Variants in FHIT observed in about 807,000 individuals in gnomAD.
The protein encoded by FHIT is bis(5'-adenosyl)-triphosphatase.
A neutral mutation model predicts 17.9 loss-of-function variants in FHIT; 19 were observed. That is an observed-to-expected ratio of 1.06 (90% CI 0.74 to 1.56). FHIT has a LOEUF of 1.56. Among genes scored for constraint, FHIT ranks in the 40% most tolerant of loss-of-function variants. The pLI is 0.00. For synonymous variants in FHIT, 81 were observed against 69.7 expected (o/e 1.16, Z -0.81); for missense variants, 248 against 189.2 (o/e 1.31, Z -1.82).
chr3:59,780,269 T>C (rs1419831866), intron 8 of FHIT, among the ~76,000 whole-genome samples: 1 of 152,206 alleles, frequency 6.6e-6, no homozygotes, highest in Non-Finnish European at 1.5e-5. Flanking sequence ...AGCTTAGGGT[T>C]TGATATGTAA....
At chr3:60,180,676 G>A (rs1015301182) in intron 5 of FHIT, among the ~76,000 whole-genome samples, 3 of 152,120 alleles carry the variant, frequency 2.0e-5, no homozygotes, top group African/African-American at 2.4e-5. Context: ...TTGTAAAAAC[G>A]TATGGAGGTC....
At chr3:61,150,332 T>C (rs975257660) in intron 2 of FHIT, among the ~76,000 whole-genome samples, 4 of 151,750 alleles carry the variant, frequency 2.6e-5, no homozygotes, top group Non-Finnish European at 4.4e-5. Flanking sequence ...GCTCTCTATG[T>C]TCCTTCTTTT....
intron 5 of FHIT, among the ~76,000 whole-genome samples, chr3:60,492,882 T>A (rs2034127500): frequency 6.6e-6 from 1 of 152,190 alleles, no homozygotes; most frequent in Admixed American, 6.6e-5. Context: ...ATTCATTCAC[T>A]CTATCTTCTG....
chr3:60,573,832 T>A (rs1273380628), intron 4 of FHIT, among the ~76,000 whole-genome samples: 6 of 151,986 alleles, frequency 3.9e-5, no homozygotes, highest in African/African-American at 1.5e-4. Flanking sequence ...TTTTTCGAGA[T>A]GGAGTCTTGC....
At chr3:59,962,529 CTG>C (rs1175093883) in intron 7 of FHIT, among the ~76,000 whole-genome samples, 1 of 152,142 alleles carries the variant, frequency 6.6e-6, no homozygotes, top group Non-Finnish European at 1.5e-5. Context: ...GGGAGGGAGT[CTG>C]TTAGGAAAGA....
chr3:60,228,690 T>C (rs185860816), intron 5 of FHIT, among the ~76,000 whole-genome samples: 19 of 152,218 alleles, frequency 1.2e-4, no homozygotes, highest in Middle Eastern at 6.8e-3. Flanking sequence ...AAAGGCCAAT[T>C]TATAGCGTGT....
At chr3:60,857,221 C>T (rs921914738) in intron 3 of FHIT, among the ~76,000 whole-genome samples, 7 of 152,056 alleles carry the variant, frequency 4.6e-5, no homozygotes, top group African/African-American at 1.7e-4. Context: ...AAAACAGACT[C>T]ATGGTAAAAT....
At chr3:59,783,319 A>C (rs554315116) in intron 8 of FHIT, among the ~76,000 whole-genome samples, 1 of 152,222 alleles carries the variant, frequency 6.6e-6, no homozygotes, top group South Asian at 2.1e-4. Flanking sequence ...AAATACAAAA[A>C]TTAGCTGGGG....
chr3:60,184,023 T>A (rs2107449187), intron 5 of FHIT, among the ~76,000 whole-genome samples: 1 of 151,810 alleles, frequency 6.6e-6, no homozygotes, highest in Admixed American at 6.6e-5. Flanking sequence ...TCAGGGTCTT[T>A]GCCACTCAAG....
chr3:60,972,449 G>T (rs1230819999), intron 3 of FHIT, among the ~76,000 whole-genome samples: 3 of 151,956 alleles, frequency 2.0e-5, no homozygotes, highest in Non-Finnish European at 4.4e-5. Context: ...TGTCTCATTG[G>T]TGTGCCTTTG....
intron 7 of FHIT, among the ~76,000 whole-genome samples, chr3:59,999,292 A>C (rs116193301): frequency 9.2e-5 from 14 of 152,260 alleles, no homozygotes; most frequent in African/African-American, 3.4e-4. Context: ...AAAAGAAAGG[A>C]GAGAATAGAC....
Position 59,944,304 on chromosome 3 carries a change from T to A in FHIT, c.280-21890A>T, listed in dbSNP as rs1706685838. Reference sequence around the variant, plus strand: ...CCATTTTATCTCATGTGGAGATTGGTATAACTACCATTGCGCTCAAGATAC... The same window carrying A: ...CCATTTTATCTCATGTGGAGATTGGAATAACTACCATTGCGCTCAAGATAC... On this transcript the variant is annotated intron_variant, in intron 7 of 9. Coordinates refer to ENST00000492590, the MANE Select transcript of FHIT (RefSeq NM_002012.4). Among the ~76,000 whole-genome samples, 9 of 152,258 alleles carry A rather than the reference T, an allele frequency of 5.9e-5. No homozygotes were observed. In the Middle Eastern group the frequency reaches 0.014, roughly 230 times the overall value.
intron 7 of FHIT, among the ~76,000 whole-genome samples, chr3:59,967,173 G>A (rs149697883): frequency 4.6e-5 from 7 of 152,160 alleles, no homozygotes; most frequent in South Asian, 4.1e-4. Flanking sequence ...CCATGGAGCC[G>A]TCTTCTCCTA....
chr3:59,841,040 G>A (rs1216905741), intron 8 of FHIT, among the ~76,000 whole-genome samples: 2 of 152,134 alleles, frequency 1.3e-5, no homozygotes, highest in Non-Finnish European at 2.9e-5. Flanking sequence ...CTAAAGAGTT[G>A]GTTTAATTTT....
intron 3 of FHIT, among the ~76,000 whole-genome samples, chr3:60,851,129 T>A (rs1307828527): frequency 6.6e-6 from 1 of 152,124 alleles, no homozygotes; most frequent in Non-Finnish European, 1.5e-5. Context: ...TAGTTAACAT[T>A]TACTGTTAAG....
In FHIT at chr3:60,808,561, T is replaced by A. The variant is rs1244134454; in HGVS notation, c.-18+13358A>T. Among the ~76,000 whole-genome samples, 7 of 152,308 alleles carry A rather than the reference T, an allele frequency of 4.6e-5. No individual in the cohort carries two copies. In the East Asian group the frequency reaches 1.2e-3, roughly 25 times the overall value. On this transcript the variant is annotated intron_variant, in intron 4 of 9. Coordinates refer to ENST00000492590, the MANE Select transcript of FHIT (RefSeq NM_002012.4). ...ATCTTAACTGGCTTTTATTTGTGATTCTAGAATCAGACAAAACCTCACTGT... is the reference window on the plus strand; with the variant it reads ...ATCTTAACTGGCTTTTATTTGTGATACTAGAATCAGACAAAACCTCACTGT...
At chr3:60,442,222 C>T (rs1228833288) in intron 5 of FHIT, among the ~76,000 whole-genome samples, 1 of 151,878 alleles carries the variant, frequency 6.6e-6, no homozygotes, top group East Asian at 1.9e-4. Context: ...CATTATAATG[C>T]CTAATTGTTT....
chr3:61,125,493 T>C (rs1376452436), intron 2 of FHIT, among the ~76,000 whole-genome samples: 1 of 152,182 alleles, frequency 6.6e-6, no homozygotes, highest in Non-Finnish European at 1.5e-5. Context: ...AATAACCTGA[T>C]GGATGATCTG....
intron 4 of FHIT, among the ~76,000 whole-genome samples, chr3:60,728,809 G>T (rs1028528649): frequency 3.3e-5 from 5 of 151,942 alleles, no homozygotes; most frequent in Non-Finnish European, 5.9e-5. Flanking sequence ...ACCCAAGGTT[G>T]CTTATCCTAA....
Sources: allele counts gnomAD v4.1 joint callset (sites outside exome capture counted in the v4.1 genomes callset), GRCh38; gene constraint gnomAD v4.1.1; transcripts MANE v1.5; gene names NCBI Gene and HGNC (gene_info 2026-07-23, HGNC 2026-07-21).